NR6A1: variants seen among roughly 807,000 people sequenced by gnomAD.
NR6A1 encodes the protein retinoic acid receptor-related testis-associated receptor.
In NR6A1, 7 loss-of-function variants were observed where a neutral mutation model predicts 59.1. The observed-to-expected ratio is 0.12, with a 90% CI of 0.07 to 0.22. The LOEUF is 0.22. Ranked by LOEUF, NR6A1 falls within the 10% of genes least tolerant of loss-of-function variation. The pLI is 1.00. For synonymous variants in NR6A1, 243 were observed against 236.1 expected (o/e 1.03, Z -0.27); for missense variants, 468 against 611.6 (o/e 0.77, Z 2.48).
At chr9:124,667,815 A>G (rs1392677057) in intron 2 of NR6A1, among the ~76,000 whole-genome samples, 1 of 152,266 alleles carries the variant, frequency 6.6e-6, no homozygotes, top group Non-Finnish European at 1.5e-5. Context: ...TCGTAGCAGT[A>G]TGCTTACTAC....
At chr9:124,747,536 C>T (rs1176844792) in intron 1 of NR6A1, among the ~76,000 whole-genome samples, 2 of 152,162 alleles carry the variant, frequency 1.3e-5, no homozygotes, top group African/African-American at 4.8e-5. Context: ...TCTCCTGAAC[C>T]ACAGACCCAT....
rs574979142 is a variant in NR6A1 at position 124,588,585 on chromosome 9, G to A, written c.143-34015C>T. ...GGCCTCCCAAGTGCTGGGATTACAG[G>A]CGTGAGCCACTGCACCCAGGAACAC... On this transcript the variant is annotated intron_variant, in intron 2 of 9. Coordinates refer to ENST00000487099, the MANE Select transcript of NR6A1 (RefSeq NM_033334.4). Among the ~76,000 whole-genome samples, 11 of 150,034 alleles carry A rather than the reference G, an allele frequency of 7.3e-5. 1 individual carries two copies. The highest frequency in any genetic ancestry group is 2.7e-4 in the African/African-American group (11 of 40,942).
chr9:124,595,774 C>A, intron 2 of NR6A1: 1 of 1,289,258 alleles, frequency 7.8e-7, no homozygotes, highest in Non-Finnish European at 1.0e-6. Context: ...TTTCATGCTT[C>A]TTGTAGTCTG....
intron 2 of NR6A1, among the ~76,000 whole-genome samples, chr9:124,727,681 C>CTTTA (rs917025485): frequency 3.3e-5 from 5 of 151,922 alleles, no homozygotes; most frequent in South Asian, 2.1e-4. Context: ...TTTTTAATGA[C>CTTTA]TTTATTTATT....
At chr9:124,664,137 T>C (rs1200897705) in intron 2 of NR6A1, among the ~76,000 whole-genome samples, 1 of 152,240 alleles carries the variant, frequency 6.6e-6, no homozygotes, top group African/African-American at 2.4e-5. Flanking sequence ...TCCTACTACA[T>C]CTGTGGATTC....
intron 7 of NR6A1, among the ~76,000 whole-genome samples, chr9:124,528,320 G>T (rs1378965912): frequency 1.3e-5 from 2 of 152,102 alleles, no homozygotes; most frequent in Admixed American, 6.5e-5. Flanking sequence ...TGTATCCATG[G>T]GTTCTATATC....
chr9:124,713,989 C>T (rs1341023959), intron 2 of NR6A1, among the ~76,000 whole-genome samples: 2 of 152,140 alleles, frequency 1.3e-5, no homozygotes, highest in Non-Finnish European at 2.9e-5. Context: ...GTGAAAGCAA[C>T]CCAAGTGTCC....
rs1236950312 is a variant in NR6A1 at position 124,538,165 on chromosome 9, A to G, written c.751T>C (p.Tyr251His). ...GATAACAGCTGGTGAATCAGACTGT[A>G]TGACTGGGGATCCAGGCTGCGAGCT... Reference protein sequence around the residue: ...QQARSLDPQSYSLIHQLLSAE... With the variant: ...QQARSLDPQSHSLIHQLLSAE... Residue 251 changes from tyrosine to histidine, a missense_variant, in exon 6 of 10, where the codon TAC becomes CAC. By Grantham distance (83) the Tyr-to-His change is moderately conservative. Around this residue, in one of 4 missense-constraint regions of NR6A1, gnomAD observed 151 missense variants for 142.8 expected, o/e 1.06. Coordinates refer to ENST00000487099, the MANE Select transcript of NR6A1 (RefSeq NM_033334.4). The G allele has an allele frequency of 1.9e-6, 3 of 1,614,216 alleles. No homozygotes were observed. Among genetic ancestry groups the G allele is most frequent in the East Asian group, 2.2e-5 (1 of 44,894 alleles).
chr9:124,749,349 T>G (rs1348950242), intron 1 of NR6A1, among the ~76,000 whole-genome samples: 1 of 152,100 alleles, frequency 6.6e-6, no homozygotes, highest in Admixed American at 6.6e-5. Flanking sequence ...GACTTCTTAA[T>G]TTAAAAAATC....
At chr9:124,679,372 C>T (rs1025297069) in intron 2 of NR6A1, among the ~76,000 whole-genome samples, 14 of 152,124 alleles carry the variant, frequency 9.2e-5, no homozygotes, top group African/African-American at 3.1e-4. Flanking sequence ...TATGTTAAAA[C>T]GACTAGCAAG....
chr9:124,697,696 T>A (rs1237797779), intron 2 of NR6A1, among the ~76,000 whole-genome samples: 1 of 151,934 alleles, frequency 6.6e-6, no homozygotes, highest in African/African-American at 2.4e-5. Context: ...AAAAACAGAT[T>A]ACTAATAGTT....
At chr9:124,594,571 A>G (rs1371825635) in intron 2 of NR6A1, among the ~76,000 whole-genome samples, 1 of 152,236 alleles carries the variant, frequency 6.6e-6, no homozygotes, top group African/African-American at 2.4e-5. Context: ...ATAGTTTAAC[A>G]AAGAATTTCT....
intron 2 of NR6A1, among the ~76,000 whole-genome samples, chr9:124,665,377 C>G (rs917757178): frequency 4.6e-5 from 7 of 152,110 alleles, no homozygotes; most frequent in Non-Finnish European, 1.0e-4. Flanking sequence ...AAGATCTTAA[C>G]AGACTTTCAA....
intron 2 of NR6A1, 91 bp downstream of exon 2, chr9:124,733,217 G>A: frequency 2.2e-6 from 2 of 906,724 alleles, no homozygotes; most frequent in South Asian, 1.4e-5. Flanking sequence ...ATAAAGTAAG[G>A]CTTATCAATG....
intron 2 of NR6A1, among the ~76,000 whole-genome samples, chr9:124,629,624 T>C (rs1836364405): frequency 1.3e-5 from 2 of 152,314 alleles, no homozygotes; most frequent in Admixed American, 1.3e-4. Flanking sequence ...GCGTGCAAGG[T>C]CTTCCCTGTT....
At chr9:124,568,344 G>A (rs1182198429) in intron 2 of NR6A1, among the ~76,000 whole-genome samples, 2 of 151,564 alleles carry the variant, frequency 1.3e-5, no homozygotes, top group African/African-American at 2.4e-5. Flanking sequence ...AAAATGAGCC[G>A]GGTGTGTGAC....
chr9:124,577,273 T>C (rs576753358), intron 2 of NR6A1, among the ~76,000 whole-genome samples: 1 of 152,340 alleles, frequency 6.6e-6, no homozygotes, highest in African/African-American at 2.4e-5. Flanking sequence ...ATGCACACTT[T>C]TTCCCACACA....
intron 2 of NR6A1, among the ~76,000 whole-genome samples, chr9:124,647,198 T>A (rs980484837): frequency 1.3e-5 from 2 of 152,200 alleles, no homozygotes; most frequent in Non-Finnish European, 2.9e-5. Flanking sequence ...ATTACAGGCA[T>A]GAGCCACAGT....
chr9:124,736,553 A>G (rs1840025539), intron 1 of NR6A1, among the ~76,000 whole-genome samples: 1 of 152,152 alleles, frequency 6.6e-6, no homozygotes, highest in Non-Finnish European at 1.5e-5. Context: ...TGTCAAAAGA[A>G]TTAAATGAGA....
Sources: gnomAD v4.1 joint callset for allele counts (sites outside exome capture counted in the v4.1 genomes callset) on GRCh38, gnomAD v4.1.1 for gene constraint, gnomAD v4.1.1 regional missense constraint, MANE v1.5 for transcripts, NCBI Gene and HGNC (gene_info 2026-07-23, HGNC 2026-07-21) for gene names.